Variants in FLNB observed in about 807,000 individuals in gnomAD.
FLNB encodes the protein filamin-B.
In FLNB, 111 loss-of-function variants were observed where a neutral mutation model predicts 250.6. The observed-to-expected ratio is 0.44, with a 90% confidence interval of 0.38 to 0.52. The LOEUF is 0.52. Among genes scored for constraint, FLNB ranks in the 20% least tolerant of loss-of-function variants. The pLI is 0.00. For missense variants in FLNB, 2,869 were observed against 3,447.8 expected (o/e 0.83, Z 4.20); for synonymous variants, 1,302 against 1,372.1 (o/e 0.95, Z 1.13).
At chr3:58,130,972 A>G (rs2097306444) in intron 25 of FLNB, 64 bp downstream of exon 25, 1 of 1,494,148 alleles carries the variant, frequency 6.7e-7, no homozygotes, top group Non-Finnish European at 9.2e-7. Flanking sequence ...GCTGTAACCC[A>G]GAGCAGATGC....
intron 3 of FLNB, among the ~76,000 whole-genome samples, chr3:58,080,029 G>A (rs182710256): frequency 1.6e-4 from 25 of 152,224 alleles, no homozygotes; most frequent in Admixed American, 1.4e-3. Flanking sequence ...TTTCATCTCC[G>A]CTTAAACCTA....
rs1172366586 is a variant in FLNB, at chr3:58,169,836, A to C, written c.7621+43A>C. ...TTCAAGGGTGGGGTGGGGCAGGGGC[A>C]GGCTGGGCACCCTGGGTACACTGGC... On this transcript the variant is annotated intron_variant, in intron 45 of 45. Transcript: ENST00000295956. This position sits in a 1 kb window ranked among gnomAD's most constrained non-coding sequence, Gnocchi z 4.8. The C allele has an allele frequency of 6.6e-7, 1 of 1,512,838 alleles. No individual in the cohort carries two copies. The highest frequency in any genetic ancestry group is 2.3e-5 in the East Asian group (1 of 44,166). The allele number at this position is 1,512,838 out of a possible 1,614,324, so 93.7% of individuals were successfully genotyped here.
chr3:58,142,060 C>G lies in FLNB; in HGVS notation c.5181+131C>G. 1.3e-6 allele frequency: 1 copy of G among 770,062 alleles called. No individual in the cohort carries two copies. Among genetic ancestry groups the G allele is most frequent in the Admixed American group, 2.0e-5 (1 of 51,142 alleles). 47.7% of individuals were successfully genotyped at this position (770,062 alleles called of 1,614,324 possible). On this transcript the variant is annotated intron_variant, in intron 30 of 45. Coordinates refer to ENST00000295956, the MANE Select transcript of FLNB (RefSeq NM_001457.4). The surrounding 1 kb of genome is among the most constrained non-coding windows in gnomAD (Gnocchi z 4.3). ...GGTCATTGGTGTGCCCCTCACTGAT[C>G]AGCCCATCACGATGATCCCTGCTTT... is the stretch of plus-strand genomic sequence containing the variant.
At position 58,036,833 on chromosome 3, in the gene FLNB, G is replaced by A. The variant is rs551092840; in HGVS notation, c.292+27977G>A. On this transcript the variant is annotated intron_variant, in intron 1 of 45. Coordinates refer to ENST00000295956, the MANE Select transcript of FLNB (RefSeq NM_001457.4). ...CTATGCCCAGGAATGAACAAGGACA[G>A]CCTAAAGGTTAGAAGCAAGATGGAG... is the stretch of plus-strand genomic sequence containing the variant. Among the ~76,000 whole-genome samples, 3 of 152,286 alleles carry A rather than the reference G, an allele frequency of 2.0e-5. No individual in the cohort carries two copies. In the South Asian group the frequency reaches 6.2e-4, roughly 32 times the overall value.
At chr3:58,021,133 A>G (rs2097113425) in intron 1 of FLNB, among the ~76,000 whole-genome samples, 1 of 152,152 alleles carries the variant, frequency 6.6e-6, no homozygotes, top group African/African-American at 2.4e-5. Flanking sequence ...CCAGGGACAC[A>G]AGAATGGTTT....
chr3:58,033,951 C>A (rs1454610241), intron 1 of FLNB, among the ~76,000 whole-genome samples: 1 of 151,914 alleles, frequency 6.6e-6, no homozygotes, highest in Admixed American at 6.5e-5. Context: ...ACCTCCACCT[C>A]CCGGGTTCAA....
At chr3:58,025,723 T>C (rs1224930191) in intron 1 of FLNB, among the ~76,000 whole-genome samples, 1 of 152,184 alleles carries the variant, frequency 6.6e-6, no homozygotes, top group Non-Finnish European at 1.5e-5. Flanking sequence ...GCCAGGAGTT[T>C]GAGACCAGCC....
chr3:58,077,794 A>G (rs1275778191), intron 2 of FLNB, among the ~76,000 whole-genome samples: 1 of 152,176 alleles, frequency 6.6e-6, no homozygotes, highest in Admixed American at 6.5e-5. Context: ...GTCAGGATCC[A>G]GTTGGAGCCT....
At chr3:58,073,916 A>G (rs1309118455) in intron 1 of FLNB, among the ~76,000 whole-genome samples, 1 of 152,224 alleles carries the variant, frequency 6.6e-6, no homozygotes, top group Non-Finnish European at 1.5e-5. Flanking sequence ...CCTTCTGCAT[A>G]GGCAATTCAT....
chr3:58,120,614 G>T (rs2097287130), intron 19 of FLNB, among the ~76,000 whole-genome samples: 1 of 152,186 alleles, frequency 6.6e-6, no homozygotes, highest in Non-Finnish European at 1.5e-5. Flanking sequence ...GCTTCAATCG[G>T]CTCGCATTTG....
chr3:58,143,355 G>A, intron 31 of FLNB, 118 bp from the exon 32 acceptor site: 1 of 1,037,082 alleles, frequency 9.6e-7, no homozygotes, highest in Non-Finnish European at 1.5e-6. Context: ...GTTTTAGGCA[G>A]CAACGAATGT....
intron 24 of FLNB, among the ~76,000 whole-genome samples, chr3:58,129,760 T>G (rs1408305426): frequency 6.6e-6 from 1 of 152,186 alleles, no homozygotes; most frequent in Non-Finnish European, 1.5e-5. Context: ...CCAGATACCA[T>G]GGGGAGCACC....
At chr3:58,130,688 A>G in intron 24 of FLNB, 53 bp from the exon 25 acceptor site, 3 of 1,584,076 alleles carry the variant, frequency 1.9e-6, no homozygotes, top group South Asian at 1.1e-5. Flanking sequence ...GGTGTGCACA[A>G]GGTGGTCTCC....
chr3:58,097,639 A>C (rs1389874273), intron 6 of FLNB, among the ~76,000 whole-genome samples, 176 bp from the exon 7 acceptor site: 1 of 152,190 alleles, frequency 6.6e-6, no homozygotes, highest in Non-Finnish European at 1.5e-5. Context: ...TGAAGGGGCC[A>C]GGTGGGAGTC....
In FLNB at chr3:58,138,293, G is replaced by A. The variant is rs200727113; in HGVS notation, c.4873G>A (p.Ala1625Thr). The A allele has an allele frequency of 1.1e-4, 182 of 1,613,834 alleles. No homozygotes were observed. Among genetic ancestry groups the A allele is most frequent in the Middle Eastern group, 6.7e-4 (4 of 5,934 alleles). ...GAACTCTTCTCCAGGTCCTGGAATCGCCTCCACTGTGAAAACTGGCGAAGA... is the reference window on the plus strand; with the variant it reads ...GAACTCTTCTCCAGGTCCTGGAATCACCTCCACTGTGAAAACTGGCGAAGA... Reference protein sequence around the residue: ...SKCLATGPGIASTVKTGEEVG... With the variant: ...SKCLATGPGITSTVKTGEEVG... The change falls in exon 29 of 46, where the codon GCC becomes ACC. Residue 1625 changes from alanine (A) to threonine (T), a missense_variant. Physicochemically the swap from Ala to Thr is moderately conservative, Grantham distance 58. This residue lies in a region of FLNB where 1,084 missense variants were observed against 1,315.5 expected (regional missense o/e 0.82). Coordinates refer to ENST00000295956, the MANE Select transcript of FLNB (RefSeq NM_001457.4).
chr3:58,131,725 A>G (rs946798167), intron 25 of FLNB, among the ~76,000 whole-genome samples: 2 of 152,146 alleles, frequency 1.3e-5, no homozygotes, highest in African/African-American at 2.4e-5. Flanking sequence ...CAGGGCAGAA[A>G]TGGTTTGGGG....
At position 58,116,866 on chromosome 3, in the gene FLNB, C is replaced by A. The variant is rs143891674; in HGVS notation, c.2746-2006C>A. On this transcript the variant is annotated intron_variant, in intron 18 of 45. Coordinates refer to ENST00000295956, the MANE Select transcript of FLNB (RefSeq NM_001457.4). ...GCTGGGAGCCACTAGGATTGGGGAC[C>A]ACTCCATGTAGTACTCTGGCACCTT... is the stretch of plus-strand genomic sequence containing the variant. Among the ~76,000 whole-genome samples, 412 of 152,174 alleles carry A rather than the reference C, an allele frequency of 2.7e-3. 4 individuals carry two copies. The highest frequency in any genetic ancestry group is 9.3e-3 in the African/African-American group (387 of 41,516).
chr3:58,097,676 A>G, intron 6 of FLNB, 139 bp from the exon 7 acceptor site: 3 of 851,374 alleles, frequency 3.5e-6, no homozygotes, highest in Non-Finnish European at 5.7e-6. Context: ...ACTTGGTTCC[A>G]GGGCTCCTTA....
chr3:58,110,097 A>G lies in FLNB; in HGVS notation c.2411A>G (p.Asn804Ser), dbSNP rs749300409. The change falls in exon 16 of 46, where the codon AAT (asparagine) becomes AGT (serine). Residue 804 changes from asparagine (N) to serine (S), a missense_variant. Around this residue, in one of 5 missense-constraint regions of FLNB, gnomAD observed 1,348 missense variants for 1,466.7 expected, o/e 0.92. Coordinates refer to ENST00000295956, the MANE Select transcript of FLNB (RefSeq NM_001457.4). ...DVDFDIIHNA[N>S]DTFTVKYVPP... ...GATTTTGACATTATTCACAATGCCAATGATACGTTCACAGTCAAATATGTG... is the reference window on the plus strand; with the variant it reads ...GATTTTGACATTATTCACAATGCCAGTGATACGTTCACAGTCAAATATGTG... 2.9e-5 allele frequency: 47 copies of G among 1,614,084 alleles called. No individual in the cohort carries two copies. The highest frequency in any genetic ancestry group is 3.6e-5 in the Non-Finnish European group (43 of 1,180,036).
Sources: allele counts gnomAD v4.1 joint callset (sites outside exome capture counted in the v4.1 genomes callset), GRCh38; gene constraint gnomAD v4.1.1; regional missense constraint gnomAD v4.1.1; non-coding constraint Gnocchi (gnomAD v3.1); transcripts MANE v1.5; gene names NCBI Gene and HGNC (gene_info 2026-07-23, HGNC 2026-07-21).